NFATC2: variants seen among roughly 807,000 people sequenced by gnomAD.
The protein encoded by NFATC2 is nuclear factor of activated T-cells, cytoplasmic 2.
NFATC2 carries 22 observed loss-of-function variants against 87.3 expected under a neutral mutation model. The observed-to-expected ratio is 0.25, with a 90% CI of 0.18 to 0.36. The LOEUF is 0.36. NFATC2 is among the 10% of genes least tolerant of loss of function. NFATC2 has a pLI of 1.00. For missense variants in NFATC2, 1,149 were observed against 1,259.1 expected, an observed-to-expected ratio of 0.91 and a Z score of 1.32; for synonymous variants, 565 against 542.2, an observed-to-expected ratio of 1.04 and a Z score of -0.58.
intron 9 of NFATC2, among the ~76,000 whole-genome samples, chr20:51,410,829 T>C (rs1979116827): frequency 6.6e-6 from 1 of 152,204 alleles, no homozygotes; most frequent in Non-Finnish European, 1.5e-5. Flanking sequence ...GCACCCTGTT[T>C]CTTTTCTTCA....
At chr20:51,452,182 G>A (rs1985880677) in intron 6 of NFATC2, among the ~76,000 whole-genome samples, 1 of 152,088 alleles carries the variant, frequency 6.6e-6, no homozygotes, top group Admixed American at 6.5e-5. Flanking sequence ...GGGTACGTGT[G>A]ATTCAAATCA....
chr20:51,507,864 T>C (rs1163341361), intron 3 of NFATC2, among the ~76,000 whole-genome samples: 3 of 152,176 alleles, frequency 2.0e-5, no homozygotes, highest in Non-Finnish European at 2.9e-5. Context: ...AAAATGAGCA[T>C]AGTAATCCTA....
At chr20:51,470,440 A>T (rs1055185129) in intron 5 of NFATC2, among the ~76,000 whole-genome samples, 3 of 152,060 alleles carry the variant, frequency 2.0e-5, no homozygotes, top group Non-Finnish European at 4.4e-5. Context: ...AGGCACCTGC[A>T]CTCCTAGGAA....
intron 1 of NFATC2, among the ~76,000 whole-genome samples, chr20:51,526,804 C>T (rs1035410491): frequency 2.6e-5 from 4 of 152,094 alleles, no homozygotes; most frequent in Admixed American, 6.5e-5. Flanking sequence ...AAATGACCCC[C>T]GCCAGGCAGC....
At chr20:51,417,212 G>C (rs80061869) in intron 9 of NFATC2, among the ~76,000 whole-genome samples, 1 of 152,060 alleles carries the variant, frequency 6.6e-6, no homozygotes, top group African/African-American at 2.4e-5. Flanking sequence ...GCCCAGTAAG[G>C]GGGAGGGATC....
chr20:51,482,724 T>C (rs974047598), intron 3 of NFATC2, among the ~76,000 whole-genome samples: 7 of 152,240 alleles, frequency 4.6e-5, no homozygotes, highest in Non-Finnish European at 8.8e-5. Flanking sequence ...GATTATTTAC[T>C]ATAGTCACCA....
At chr20:51,396,974 G>A (rs868046768) in intron 10 of NFATC2, among the ~76,000 whole-genome samples, 12 of 152,028 alleles carry the variant, frequency 7.9e-5, no homozygotes, top group African/African-American at 2.7e-4. Flanking sequence ...GTGCAGTGGC[G>A]CCATCTCGGC....
chr20:51,475,361 C>T, intron 4 of NFATC2, 97 bp downstream of exon 4: 2 of 1,127,416 alleles, frequency 1.8e-6, no homozygotes, highest in Non-Finnish European at 2.7e-6. Flanking sequence ...ACAGCTGCTT[C>T]CATCAGTTCT....
At chr20:51,558,322 A>G (rs61030286) in intron 1 of NFATC2, among the ~76,000 whole-genome samples, 30,451 of 152,144 alleles carry the variant, frequency 0.2, 3,275 homozygotes, top group African/African-American at 0.24. Flanking sequence ...ATGCTGGGCA[A>G]CAGAGTGAGA....
intron 5 of NFATC2, among the ~76,000 whole-genome samples, chr20:51,471,332 T>A (rs1038601707): frequency 1.3e-5 from 2 of 152,152 alleles, no homozygotes; most frequent in African/African-American, 4.8e-5. Context: ...CCCAAATCGC[T>A]GCAAGTTTCC....
rs1371752296 is a variant in NFATC2 at position 51,524,339 on chromosome 20, T to G, written c.131-229A>C. On this transcript the variant is annotated intron_variant, in intron 1 of 10. Transcript: ENST00000371564. The surrounding 1 kb of genome is among the most constrained non-coding windows in gnomAD (Gnocchi z 4.0). The stretch of plus-strand genomic sequence containing the variant: ...AGCAGAATGAGTTCTGGAAGACCCC[T>G]GGGCTAAGGGCCTCGAAACTTGGCT... 2.6e-5 allele frequency among the ~76,000 whole-genome samples: 4 copies of G among 152,166 alleles called. No individual in the cohort carries two copies. Among genetic ancestry groups the G allele is most frequent in the Non-Finnish European group, 2.9e-5 (2 of 68,026 alleles).
At chr20:51,552,398 A>G (rs73910707) in intron 1 of NFATC2, among the ~76,000 whole-genome samples, 3,212 of 152,238 alleles carry the variant, frequency 0.021, 88 homozygotes, top group East Asian at 0.064. Flanking sequence ...TGGCTTCCTC[A>G]TGCTCTTGCA....
chr20:51,522,051 T>C (rs966129480), intron 2 of NFATC2, among the ~76,000 whole-genome samples: 1 of 152,208 alleles, frequency 6.6e-6, no homozygotes, highest in African/African-American at 2.4e-5. Context: ...GATGATGTAA[T>C]GTATATGGGA....
chr20:51,470,892 G>A (rs1290148542), intron 5 of NFATC2, among the ~76,000 whole-genome samples: 3 of 152,138 alleles, frequency 2.0e-5, no homozygotes, highest in Admixed American at 6.5e-5. Context: ...CCAACTGGTA[G>A]CTCAGCTTGG....
At chr20:51,421,361 C>A (rs1240862760) in intron 9 of NFATC2, among the ~76,000 whole-genome samples, 1 of 152,194 alleles carries the variant, frequency 6.6e-6, no homozygotes, top group Admixed American at 6.5e-5. Context: ...AAGGCCCCGG[C>A]CGGATGCAGG....
intron 3 of NFATC2, among the ~76,000 whole-genome samples, chr20:51,487,837 G>A (rs935501006): frequency 1.3e-5 from 2 of 152,060 alleles, no homozygotes; most frequent in South Asian, 4.1e-4. Context: ...AGGCAGACGT[G>A]ATGTGTACCT....
At chr20:51,517,737 C>T (rs961092490) in intron 2 of NFATC2, among the ~76,000 whole-genome samples, 5 of 151,710 alleles carry the variant, frequency 3.3e-5, no homozygotes, top group Admixed American at 2.0e-4. Context: ...GCCAACATGG[C>T]GAAACCCTGT....
chr20:51,553,675 CAAA>C (rs35610887), intron 1 of NFATC2, among the ~76,000 whole-genome samples: 2 of 104,846 alleles, frequency 1.9e-5, no homozygotes, highest in Non-Finnish European at 3.7e-5. Flanking sequence ...GACTCCATCT[CAAA>C]AAAAAAAAAA....
intron 1 of NFATC2, among the ~76,000 whole-genome samples, chr20:51,533,404 A>C (rs2076668339): frequency 2.0e-5 from 3 of 152,244 alleles, no homozygotes; most frequent in Admixed American, 2.0e-4. Flanking sequence ...CAGTAAGTAG[A>C]TTCTCAATCA....
Sources: gnomAD v4.1 joint callset for allele counts (sites outside exome capture counted in the v4.1 genomes callset) on GRCh38, gnomAD v4.1.1 for gene constraint, Gnocchi (gnomAD v3.1) non-coding constraint, MANE v1.5 for transcripts, NCBI Gene and HGNC (gene_info 2026-07-23, HGNC 2026-07-21) for gene names.